KLC1: variants seen among roughly 807,000 people sequenced by gnomAD.
The protein encoded by KLC1 is kinesin light chain 1.
A neutral mutation model predicts 84.2 loss-of-function variants in KLC1; 30 were observed. The observed-to-expected ratio is 0.36, with a 90% CI of 0.27 to 0.48. KLC1 has a LOEUF of 0.48. Among genes scored for constraint, KLC1 ranks in the 20% least tolerant of loss-of-function variants. KLC1 has a pLI of 0.99. For synonymous variants in KLC1, 289 were observed against 293.3 expected, an observed-to-expected ratio of 0.99 and a Z score of 0.15; for missense variants, 499 against 805.4, an observed-to-expected ratio of 0.62 and a Z score of 4.60.
chr14:103,665,071 A>C (rs1423779736), intron 5 of KLC1, among the ~76,000 whole-genome samples: 2 of 152,096 alleles, frequency 1.3e-5, no homozygotes, highest in Non-Finnish European at 2.9e-5. Flanking sequence ...GGAAAAAAAT[A>C]GTAGCTACAT....
intron 14 of KLC1, among the ~76,000 whole-genome samples, chr14:103,691,665 C>T (rs1402178347): frequency 6.6e-6 from 1 of 151,988 alleles, no homozygotes; most frequent in Non-Finnish European, 1.5e-5. Context: ...GATGGGGTTT[C>T]ACCGTGTTGC....
chr14:103,629,808 C>T (rs957353220), intron 1 of KLC1, among the ~76,000 whole-genome samples: 3 of 152,156 alleles, frequency 2.0e-5, no homozygotes, highest in African/African-American at 7.2e-5. Context: ...CTGCCCAGGG[C>T]CCCGCCCTGG....
intron 15 of KLC1, chr14:103,699,281 C>T: frequency 6.5e-7 from 1 of 1,541,632 alleles, no homozygotes; most frequent in Non-Finnish European, 8.7e-7. Flanking sequence ...TCACTGCCAC[C>T]CGCCCCACCT....
chr14:103,679,277 G>A lies in KLC1; in HGVS notation c.1489-107G>A. On this transcript the variant is annotated intron_variant, in intron 12 of 16. Coordinates refer to ENST00000334553, the MANE Select transcript of KLC1 (RefSeq NM_001394837.1). ...CTCTTCCAATGTTTTTCCCTCCAGT[G>A]ATTAAGAACTGTTTTTTTTTTTTTT... The A allele has an allele frequency of 2.1e-6, 3 of 1,423,832 alleles. No homozygotes were observed. In the East Asian group the frequency reaches 6.8e-5, roughly 32 times the overall value. The allele number at this position is 1,423,832 out of a possible 1,614,324, so 88.2% of individuals were successfully genotyped here.
At chr14:103,654,145 C>T (rs2078674354) in intron 1 of KLC1, among the ~76,000 whole-genome samples, 1 of 152,184 alleles carries the variant, frequency 6.6e-6, no homozygotes, top group Non-Finnish European at 1.5e-5. Context: ...CTTCTTCCAG[C>T]TGTGTGACTC....
chr14:103,688,697 G>A (rs552262671), intron 14 of KLC1, among the ~76,000 whole-genome samples: 3 of 152,314 alleles, frequency 2.0e-5, no homozygotes, highest in Admixed American at 1.3e-4. Flanking sequence ...CCTGAGGCAA[G>A]AGGAGTGACG....
chr14:103,663,458 TA>T (rs1160223147), intron 5 of KLC1, among the ~76,000 whole-genome samples: 3 of 152,178 alleles, frequency 2.0e-5, no homozygotes, highest in Non-Finnish European at 4.4e-5. Flanking sequence ...TCAGCTTGTT[TA>T]GAATAGACCA....
chr14:103,694,043 C>T lies in KLC1; in HGVS notation c.1848+1618C>T, dbSNP rs1032507518. The stretch of plus-strand genomic sequence containing the variant: ...GAAACATAAAGTACCCCTTTCAGAA[C>T]GATAGGCATTTAGTGATCTATGGCA... On this transcript the variant is annotated intron_variant, in intron 15 of 16. Transcript: ENST00000334553. The surrounding 1 kb of genome is among the most constrained non-coding windows in gnomAD (Gnocchi z 4.5). 4.6e-5 allele frequency: 46 copies of T among 998,650 alleles called. No individual in the cohort carries two copies. Among genetic ancestry groups the T allele is most frequent in the East Asian group, 1.1e-4 (1 of 9,512 alleles). The allele number at this position is 998,650 out of a possible 1,614,324, so 61.9% of individuals were successfully genotyped here.
At chr14:103,679,612 C>T in intron 13 of KLC1, 67 bp downstream of exon 13, 1 of 1,226,220 alleles carries the variant, frequency 8.2e-7, no homozygotes, top group Non-Finnish European at 1.2e-6. Context: ...CCAGGCCTTC[C>T]TCCTGTCTCA....
chr14:103,670,241 A>G lies in KLC1; in HGVS notation c.945A>G (p.Glu315=). The change falls in exon 7 of 17, where the codon GAA becomes GAG. Residue 315 remains glutamate (E), a synonymous_variant. Transcript: ENST00000334553. ...ATGGTAAAAGAGGGAAGTACAAAGA[A>G]GCAGAGCCGTTGTGTAAAAGAGCTC... is the stretch of plus-strand genomic sequence containing the variant. ...VLYGKRGKYK[E]AEPLCKRALE... The G allele has an allele frequency of 6.2e-7, 1 of 1,613,448 alleles. No individual in the cohort carries two copies. Among genetic ancestry groups the G allele is most frequent in the South Asian group, 1.1e-5 (1 of 91,026 alleles).
chr14:103,698,600 G>T, intron 15 of KLC1: 1 of 619,508 alleles, frequency 1.6e-6, no homozygotes. Flanking sequence ...CCAGGGAGAG[G>T]CAGAACATCC....
intron 13 of KLC1, chr14:103,683,988 G>GC (rs2081577769): frequency 6.6e-6 from 1 of 152,236 alleles, no homozygotes; most frequent in Admixed American, 6.5e-5. Context: ...GACCAGCCTG[G>GC]CCAACATGGC....
chr14:103,630,146 C>T (rs545996619), intron 1 of KLC1, among the ~76,000 whole-genome samples: 5 of 152,360 alleles, frequency 3.3e-5, no homozygotes, highest in African/African-American at 9.6e-5. Context: ...ACCCTGTTCA[C>T]CTAGGCTGGC....
At chr14:103,685,588 T>G in intron 13 of KLC1, 1 of 1,289,238 alleles carries the variant, frequency 7.8e-7, no homozygotes, top group Non-Finnish European at 1.0e-6. Context: ...CCTGTTGCCT[T>G]TCCTCGCCGC....
chr14:103,697,224 TG>T, intron 15 of KLC1: 1 of 587,480 alleles, frequency 1.7e-6, no homozygotes, highest in Non-Finnish European at 2.1e-6. Context: ...CCCATGTTCA[TG>T]CCAGTGATTC....
chr14:103,650,723 C>T (rs1228847901), intron 1 of KLC1, among the ~76,000 whole-genome samples: 1 of 151,586 alleles, frequency 6.6e-6, no homozygotes, highest in Non-Finnish European at 1.5e-5. Flanking sequence ...GGATTGCAGG[C>T]ACCTGCCACC....
At chr14:103,660,473 T>G (rs1241882139) in intron 3 of KLC1, among the ~76,000 whole-genome samples, 4 of 127,258 alleles carry the variant, frequency 3.1e-5, no homozygotes, top group African/African-American at 1.2e-4. Flanking sequence ...AGAGTAAAGC[T>G]CTGTCTCAAA....
At chr14:103,660,002 C>T (rs866381243) in intron 3 of KLC1, among the ~76,000 whole-genome samples, 2 of 152,114 alleles carry the variant, frequency 1.3e-5, no homozygotes, top group Non-Finnish European at 2.9e-5. Context: ...CCCACACTTT[C>T]GAGCTCATCT....
intron 15 of KLC1, chr14:103,696,843 C>T (rs2082567114): frequency 5.1e-6 from 5 of 984,160 alleles, no homozygotes; most frequent in Non-Finnish European, 6.0e-6. Flanking sequence ...TGGAACTGTG[C>T]TCCCCAGGGC....
Sources: gnomAD v4.1 joint callset for allele counts (sites outside exome capture counted in the v4.1 genomes callset) on GRCh38, gnomAD v4.1.1 for gene constraint, Gnocchi (gnomAD v3.1) non-coding constraint, MANE v1.5 for transcripts, NCBI Gene and HGNC (gene_info 2026-07-23, HGNC 2026-07-21) for gene names.